STT3B: variants seen among roughly 807,000 people sequenced by gnomAD.
STT3B encodes the protein STT3 oligosaccharyltransferase complex catalytic subunit B.
Under a neutral mutation model 96.8 loss-of-function variants are expected in STT3B, and 29 were observed. The ratio of observed to expected loss-of-function variants is 0.30; its 90% CI spans 0.22 to 0.41. The LOEUF (loss-of-function observed/expected upper bound fraction) is 0.41, where lower values mean the gene tolerates loss of function less well. Ranked by LOEUF, STT3B falls within the 10% of genes least tolerant of loss-of-function variation. The pLI is 1.00. For missense variants in STT3B, 640 were observed against 1,022.3 expected, an observed-to-expected ratio of 0.63 and a Z score of 5.10; for synonymous variants, 367 against 360.0, an observed-to-expected ratio of 1.02 and a Z score of -0.22.
At chr3:31,533,459 C>T in intron 1 of STT3B, 147 bp downstream of exon 1, 1 of 1,106,936 alleles carries the variant, frequency 9.0e-7, no homozygotes, top group Non-Finnish European at 1.1e-6. Flanking sequence ...GATCCCGGAG[C>T]TCCGGGCGCG....
chr3:31,534,571 GTTACT>G (rs1298597995), intron 1 of STT3B, among the ~76,000 whole-genome samples: 2 of 152,112 alleles, frequency 1.3e-5, no homozygotes, highest in Non-Finnish European at 2.9e-5. Context: ...TTTTTTGAGA[GTTACT>G]AACTATATAG....
intron 1 of STT3B, among the ~76,000 whole-genome samples, chr3:31,569,447 G>A (rs2125448125): frequency 6.6e-6 from 1 of 152,204 alleles, no homozygotes; most frequent in East Asian, 1.9e-4. Context: ...TGCAGAAAAA[G>A]TTCATTAGCT....
chr3:31,563,869 G>T (rs1379732469), intron 1 of STT3B, among the ~76,000 whole-genome samples: 2 of 152,004 alleles, frequency 1.3e-5, no homozygotes, highest in African/African-American at 4.8e-5. Context: ...TAGTGGGCGC[G>T]ATCTTGGCTC....
chr3:31,611,754 C>T (rs907533805), intron 5 of STT3B, among the ~76,000 whole-genome samples: 19 of 152,202 alleles, frequency 1.2e-4, no homozygotes, highest in Admixed American at 1.2e-3. Context: ...GCCTCAGCCT[C>T]CTAAAGTGCT....
intron 1 of STT3B, 29 bp downstream of exon 1, chr3:31,533,341 CGT>C: frequency 6.7e-7 from 1 of 1,481,488 alleles, no homozygotes; most frequent in Non-Finnish European, 9.0e-7. Flanking sequence ...CTCCCCCGCC[CGT>C]GGCCCGCGGG....
chr3:31,582,742 TTG>T (rs1220857556), intron 3 of STT3B, among the ~76,000 whole-genome samples: 1 of 152,118 alleles, frequency 6.6e-6, no homozygotes, highest in East Asian at 1.9e-4. Context: ...TTCTGATACA[TTG>T]TGGTTTTGTT....
In STT3B at chr3:31,615,129, G is replaced by A. The variant is rs1699278166; in HGVS notation, c.902G>A (p.Gly301Asp). The change falls in exon 6 of 16, where the codon GGT becomes GAT. Residue 301 changes from glycine (G) to aspartate (D), a missense_variant. Transcript: ENST00000295770. ...GCATATAGCACTTTCTACATTGTGG[G>A]TTTAATATTATCAATGCAGATACCT... Reference protein sequence around the residue: ...YIAYSTFYIVGLILSMQIPFV... With the variant: ...YIAYSTFYIVDLILSMQIPFV... 1 of 1,609,720 alleles carries A rather than the reference G, an allele frequency of 6.2e-7. No individual in the cohort carries two copies. Among genetic ancestry groups the A allele is most frequent in the Non-Finnish European group, 8.5e-7 (1 of 1,177,108 alleles).
intron 5 of STT3B, among the ~76,000 whole-genome samples, chr3:31,607,352 A>G (rs1699075822): frequency 6.6e-6 from 1 of 152,172 alleles, no homozygotes; most frequent in Non-Finnish European, 1.5e-5. Flanking sequence ...CCCAAATCTC[A>G]TCTTGAATTG....
chr3:31,602,660 A>ATT (rs11316900), intron 5 of STT3B, among the ~76,000 whole-genome samples: 85 of 125,086 alleles, frequency 6.8e-4, no homozygotes, highest in African/African-American at 2.3e-3. Flanking sequence ...GGTAGCTGGG[A>ATT]TTTTTTTTTT....
intron 11 of STT3B, among the ~76,000 whole-genome samples, 200 bp downstream of exon 11, chr3:31,624,061 C>T (rs1699481945): frequency 6.6e-6 from 1 of 152,116 alleles, no homozygotes; most frequent in East Asian, 1.9e-4. Context: ...TTGATACAGG[C>T]ATGTGTAATA....
At chr3:31,583,053 A>T (rs1698447276) in intron 3 of STT3B, among the ~76,000 whole-genome samples, 1 of 151,958 alleles carries the variant, frequency 6.6e-6, no homozygotes, top group South Asian at 2.1e-4. Context: ...TGTCTTTTAG[A>T]CCTAGTTGGT....
intron 13 of STT3B, among the ~76,000 whole-genome samples, chr3:31,627,184 G>A (rs1699556169): frequency 6.6e-6 from 1 of 152,194 alleles, no homozygotes. Context: ...CCACATAGCA[G>A]GAGGTAAGGG....
At chr3:31,540,328 G>A (rs903487451) in intron 1 of STT3B, among the ~76,000 whole-genome samples, 1 of 151,462 alleles carries the variant, frequency 6.6e-6, no homozygotes, top group African/African-American at 2.4e-5. Context: ...TTTTTACCTT[G>A]TTTGCTCATT....
At chr3:31,570,706 G>A (rs1698115143) in intron 1 of STT3B, among the ~76,000 whole-genome samples, 1 of 152,098 alleles carries the variant, frequency 6.6e-6, no homozygotes, top group African/African-American at 2.4e-5. Flanking sequence ...TAATGCAATA[G>A]GGAAGAGACA....
intron 13 of STT3B, among the ~76,000 whole-genome samples, chr3:31,628,398 T>G (rs1699581144): frequency 6.6e-6 from 1 of 152,210 alleles, no homozygotes; most frequent in South Asian, 2.1e-4. Flanking sequence ...GTTGCATTTT[T>G]TGTGTGTGTG....
At chr3:31,607,614 A>G (rs1699082028) in intron 5 of STT3B, among the ~76,000 whole-genome samples, 1 of 152,202 alleles carries the variant, frequency 6.6e-6, no homozygotes, top group Admixed American at 6.5e-5. Context: ...AGTCTCAGGT[A>G]TGTCTTTATC....
chr3:31,618,755 C>G (rs749333904), intron 8 of STT3B, among the ~76,000 whole-genome samples: 14 of 151,952 alleles, frequency 9.2e-5, no homozygotes, highest in South Asian at 2.1e-4. Context: ...AACAATTAGA[C>G]ACATACTTCA....
intron 1 of STT3B, among the ~76,000 whole-genome samples, chr3:31,559,068 G>A (rs1697793801): frequency 6.7e-6 from 1 of 149,308 alleles, no homozygotes; most frequent in South Asian, 2.1e-4. Flanking sequence ...GTTAGTCTAG[G>A]AAGTGCCTTA....
intron 1 of STT3B, among the ~76,000 whole-genome samples, chr3:31,575,747 A>G (rs1365860492): frequency 6.6e-6 from 1 of 152,014 alleles, no homozygotes; most frequent in East Asian, 1.9e-4. Flanking sequence ...CTGACTGAGT[A>G]TACCTAATGG....
Sources: gnomAD v4.1 joint callset for allele counts (sites outside exome capture counted in the v4.1 genomes callset) on GRCh38, gnomAD v4.1.1 for gene constraint, MANE v1.5 for transcripts, NCBI Gene and HGNC (gene_info 2026-07-23, HGNC 2026-07-21) for gene names.